Variants in PUDP observed in about 807,000 individuals in gnomAD.
PUDP encodes pseudouridine 5'-phosphatase.
PUDP carries 8 observed loss-of-function variants against 9.4 expected under a neutral mutation model. That is an observed-to-expected ratio of 0.85 (90% CI 0.50 to 1.53). The LOEUF (loss-of-function observed/expected upper bound fraction) is 1.53, where lower values mean the gene tolerates loss of function less well. PUDP is among the 40% of genes most tolerant of loss of function. PUDP has a pLI of 0.00. For synonymous variants in PUDP, 99 were observed against 80.7 expected (o/e 1.23, Z -1.22); for missense variants, 188 against 189.7 (o/e 0.99, Z 0.05).
intron 3 of PUDP, among the ~76,000 whole-genome samples, chrX:6,962,097 A>G (rs1359483963): frequency 2.7e-5 from 3 of 111,983 alleles, no homozygotes; most frequent in Non-Finnish European, 5.6e-5. Flanking sequence ...TGTATGGAGA[A>G]TCCACAACAT....
In PUDP at chrX:7,060,103, C is replaced by T. The variant is rs1421942144; in HGVS notation, c.511-9631G>A. Among the ~76,000 whole-genome samples the T allele has an allele frequency of 1.8e-5, 2 of 111,741 alleles. 1 individual carries two copies. Among genetic ancestry groups the T allele is most frequent in the South Asian group, 7.6e-4 (2 of 2,643 alleles). On this transcript the variant is annotated intron_variant, in intron 3 of 3. Transcript: ENST00000381077. ...CCTTGGTCCTTTCCATACTGACACC[C>T]GTTGTGCATGGCCCAGCAACCTACT...
chrX:7,001,488 AAAG>A (rs1470280736), intron 1 of PUDP, among the ~76,000 whole-genome samples: 1 of 111,474 alleles, frequency 9.0e-6, no homozygotes. Flanking sequence ...CTTCTGAGAA[AAAG>A]AAGAAGATGG....
intron 1 of PUDP, among the ~76,000 whole-genome samples, chrX:7,110,968 T>A (rs1209585016): frequency 8.9e-6 from 1 of 111,921 alleles, no homozygotes; most frequent in Non-Finnish European, 1.9e-5. Context: ...TCACAGGGGA[T>A]ATGATGGCTT....
At chrX:6,909,793 C>T (rs190342828) in intron 3 of PUDP, among the ~76,000 whole-genome samples, 2 of 112,337 alleles carry the variant, frequency 1.8e-5, no homozygotes, top group East Asian at 5.6e-4. Context: ...TCCCCCTCCC[C>T]GTAAGAGTAT....
At chrX:7,062,990 A>T (rs1930450414) in intron 3 of PUDP, among the ~76,000 whole-genome samples, 1 of 107,134 alleles carries the variant, frequency 9.3e-6, no homozygotes, top group Non-Finnish European at 1.9e-5. Context: ...GGCTTAATTC[A>T]GATGGGTTGG....
intron 3 of PUDP, among the ~76,000 whole-genome samples, chrX:6,972,675 A>G (rs1406189326): frequency 9.0e-6 from 1 of 111,185 alleles, no homozygotes; most frequent in African/African-American, 3.3e-5. Context: ...TTTCTTTTTT[A>G]GTTGTGTCTC....
intron 2 of PUDP, among the ~76,000 whole-genome samples, chrX:7,086,919 G>C (rs1343322007): frequency 1.8e-5 from 2 of 111,999 alleles, no homozygotes; most frequent in Non-Finnish European, 3.8e-5. Context: ...TGAGGGGCTG[G>C]AAGAGGAGCA....
At chrX:6,834,499 T>C (rs1926552943) in intron 3 of PUDP, among the ~76,000 whole-genome samples, 2 of 111,325 alleles carry the variant, frequency 1.8e-5, no homozygotes, top group East Asian at 2.8e-4. Flanking sequence ...TACATTGTTA[T>C]ATAATGTAAT....
chrX:6,735,979 C>T (rs1194306066), intron 3 of PUDP, among the ~76,000 whole-genome samples: 1 of 105,851 alleles, frequency 9.4e-6, no homozygotes, highest in Non-Finnish European at 1.9e-5. Flanking sequence ...ATTGAGGCTG[C>T]AGTAAGCCAT....
Position 6,860,299 on chromosome X carries a change from T to C in PUDP, c.*247+116834A>G, listed in dbSNP as rs1043052410. Among the ~76,000 whole-genome samples the C allele has an allele frequency of 1.2e-4, 13 of 109,857 alleles. No individual in the cohort carries two copies. The Admixed American group carries it at 1.3e-3, about 11-fold the overall frequency. ...GCTTGACCCCTATTTTTTCTCTTTA[T>C]TATTTTTATTTTAATTTTTTTTAAG... is the stretch of plus-strand genomic sequence containing the variant. On this transcript the variant is annotated intron_variant and NMD_transcript_variant, in intron 3 of 3. Coordinates refer to the PUDP transcript ENST00000655425.
upstream of PUDP, among the ~76,000 whole-genome samples, chrX:6,723,480 C>T (rs1473405773): frequency 1.1e-5 from 1 of 91,849 alleles, no homozygotes; most frequent in Non-Finnish European, 2.2e-5. Flanking sequence ...AAACAAGTGG[C>T]ATAAATATAT....
chrX:7,065,456 G>C (rs1221923115), intron 3 of PUDP, among the ~76,000 whole-genome samples: 1 of 112,165 alleles, frequency 8.9e-6, no homozygotes, highest in African/African-American at 3.3e-5. Flanking sequence ...CAGAGCCTTG[G>C]GGTTTATGTC....
chrX:6,933,601 C>T (rs1185116584), intron 3 of PUDP, among the ~76,000 whole-genome samples: 1 of 112,068 alleles, frequency 8.9e-6, no homozygotes, highest in African/African-American at 3.2e-5. Flanking sequence ...GAACGCAGTT[C>T]CTCACCAGCA....
At chrX:6,932,036 T>C (rs764493492) in intron 3 of PUDP, among the ~76,000 whole-genome samples, 1 of 112,397 alleles carries the variant, frequency 8.9e-6, no homozygotes, top group Non-Finnish European at 1.9e-5. Context: ...TGCAAGTAGC[T>C]TCTTTAATTA....
intron 3 of PUDP, among the ~76,000 whole-genome samples, chrX:6,878,383 T>TG (rs1927296897): frequency 9.1e-6 from 1 of 110,169 alleles, no homozygotes; most frequent in African/African-American, 3.3e-5. Context: ...TTTTTTTTTT[T>TG]AGAATAAAGG....
At chrX:6,868,901 T>C (rs1927130717) in intron 3 of PUDP, among the ~76,000 whole-genome samples, 2 of 112,168 alleles carry the variant, frequency 1.8e-5, no homozygotes, top group African/African-American at 6.5e-5. Flanking sequence ...TTAATCCTCA[T>C]TTACTTTTCT....
At chrX:7,105,553 A>G in intron 2 of PUDP, 67 bp downstream of exon 2, 1 of 820,983 alleles carries the variant, frequency 1.2e-6, no homozygotes, top group Non-Finnish European at 1.7e-6. Context: ...CTAGACTTTA[A>G]AGGTGATTTA....
At chrX:7,042,661 G>GT (rs1929937692) in intron 1 of PUDP, among the ~76,000 whole-genome samples, 1 of 106,519 alleles carries the variant, frequency 9.4e-6, no homozygotes, top group South Asian at 4.1e-4. Flanking sequence ...TCATTTTTTG[G>GT]GGGGGGTAGA....
intron 3 of PUDP, among the ~76,000 whole-genome samples, chrX:6,890,795 G>A (rs1245448990): frequency 9.2e-6 from 1 of 108,710 alleles, no homozygotes; most frequent in Non-Finnish European, 1.9e-5. Flanking sequence ...CATGCCACAA[G>A]GTGTCTTTAA....
Sources: gnomAD v4.1 joint callset for allele counts (sites outside exome capture counted in the v4.1 genomes callset) on GRCh38, gnomAD v4.1.1 for gene constraint, MANE v1.5 for transcripts, NCBI Gene and HGNC (gene_info 2026-07-23, HGNC 2026-07-21) for gene names.